Variants in MACF1 observed in about 807,000 individuals in gnomAD.
MACF1 encodes microtubule-actin cross-linking factor 1.
Under a neutral mutation model 854.8 loss-of-function variants are expected in MACF1, and 193 were observed. The observed-to-expected ratio is 0.23, with a 90% CI of 0.20 to 0.25. MACF1 has a LOEUF of 0.25. MACF1 is among the 10% of genes least tolerant of loss of function. MACF1 has a pLI of 1.00. For synonymous variants in MACF1, 3,185 were observed against 3,226.7 expected, an observed-to-expected ratio of 0.99 and a Z score of 0.44; for missense variants, 7,722 against 8,929.1, an observed-to-expected ratio of 0.86 and a Z score of 5.45.
intron 2 of MACF1, among the ~76,000 whole-genome samples, chr1:39,199,049 G>C (rs916902489): frequency 1.3e-5 from 2 of 151,766 alleles, no homozygotes; most frequent in Admixed American, 6.6e-5. Flanking sequence ...GCAGTGGCGC[G>C]ATCTCGGCTC....
At chr1:39,314,185 G>A (rs1398843247) in intron 26 of MACF1, among the ~76,000 whole-genome samples, 1 of 152,146 alleles carries the variant, frequency 6.6e-6, no homozygotes, top group Non-Finnish European at 1.5e-5. Flanking sequence ...AAGGCAGGTG[G>A]ATCACCTGAG....
intron 40 of MACF1, 83 bp downstream of exon 40, chr1:39,341,036 T>C: frequency 8.6e-6 from 2 of 231,360 alleles, no homozygotes; most frequent in Non-Finnish European, 1.3e-5. Context: ...CATATTTATC[T>C]TTTTTTTTTT....
In MACF1 at chr1:39,263,771, C is replaced by CTTTTTTTT. The variant is rs11453750; in HGVS notation, c.528+5756_528+5763dup. ...CTTTCTTTCATCTTTTTTCTTTTTT[C>CTTTTTTTT]TTTTTTTTTTTTTTTTTTTTGAGAC... On this transcript the variant is annotated intron_variant, in intron 6 of 100. Transcript: ENST00000564288. 4.8e-3 allele frequency among the ~76,000 whole-genome samples: 480 copies of CTTTTTTTT among 100,174 alleles called. 5 individuals carry two copies. Among genetic ancestry groups the CTTTTTTTT allele is most frequent in the African/African-American group, 0.011 (272 of 24,386 alleles). The allele number at this position is 100,174 out of a possible 152,430, so 65.7% of individuals were successfully genotyped here. A position where few individuals can be genotyped will look rare whatever the true frequency, so the allele number is the denominator to read the frequency against.
intron 2 of MACF1, chr1:39,102,919 C>T (rs1385392078): frequency 1.4e-6 from 1 of 702,218 alleles, no homozygotes; most frequent in Admixed American, 2.0e-5. Flanking sequence ...TCCCCCCTGG[C>T]AGCCGCTTTG....
chr1:39,268,973 C>G, intron 6 of MACF1: 3 of 1,286,704 alleles, frequency 2.3e-6, no homozygotes, highest in Non-Finnish European at 3.0e-6. Flanking sequence ...TGCCTGGGGA[C>G]TCAGCCCCCA....
chr1:39,096,845 C>T (rs561641130), intron 2 of MACF1, among the ~76,000 whole-genome samples: 1 of 151,676 alleles, frequency 6.6e-6, no homozygotes, highest in Admixed American at 6.6e-5. Flanking sequence ...TGCCACCTGA[C>T]CTACTGCCCA....
chr1:39,089,454 G>A (rs895822928), intron 2 of MACF1, among the ~76,000 whole-genome samples: 3 of 152,164 alleles, frequency 2.0e-5, no homozygotes, highest in African/African-American at 7.2e-5. Flanking sequence ...CTAGTCAGAC[G>A]ACAATTGTCT....
intron 2 of MACF1, among the ~76,000 whole-genome samples, chr1:39,122,323 C>T (rs1407365023): frequency 1.4e-5 from 2 of 147,612 alleles, no homozygotes; most frequent in Non-Finnish European, 3.0e-5. Flanking sequence ...GGCGCGATGT[C>T]GGCTCACTAC....
rs149723834 is a variant in MACF1, at chr1:39,476,444, G to A, written c.21959-3354G>A. Among the ~76,000 whole-genome samples, 429 of 152,062 alleles carry A rather than the reference G, an allele frequency of 2.8e-3. 2 individuals carry two copies. The highest frequency in any genetic ancestry group is 9.9e-3 in the African/African-American group (411 of 41,486). On this transcript the variant is annotated intron_variant, in intron 97 of 100. Coordinates refer to ENST00000564288, the MANE Select transcript of MACF1 (RefSeq NM_001394062.1). ...AATTAGCCAAGCGTGGTGGCCACGC[G>A]CCTGCAGTCCCAGCTACCCAGGAGG... is the stretch of plus-strand genomic sequence containing the variant.
intron 80 of MACF1, 144 bp from the exon 81 acceptor site, chr1:39,447,288 G>A (rs1228216351): frequency 1.4e-6 from 1 of 719,620 alleles, no homozygotes; most frequent in South Asian, 1.9e-5. Context: ...TACAAATAAA[G>A]CATGTTTGGA....
intron 58 of MACF1, among the ~76,000 whole-genome samples, chr1:39,398,148 T>C (rs1220805145): frequency 6.6e-6 from 1 of 151,674 alleles, no homozygotes; most frequent in African/African-American, 2.4e-5. Context: ...CCTTTTTTTT[T>C]TTTTTTTTTT....
At chr1:39,404,895 G>A (rs1642633964) in intron 58 of MACF1, among the ~76,000 whole-genome samples, 1 of 152,108 alleles carries the variant, frequency 6.6e-6, no homozygotes, top group South Asian at 2.1e-4. Flanking sequence ...CCTCCATAAA[G>A]CCTTCTCTGA....
Position 39,409,983 on chromosome 1 carries a change from G to A in MACF1, c.15817-12391G>A, listed in dbSNP as rs1197486992. 3.0e-6 allele frequency: 1 copy of A among 334,410 alleles called. No individual in the cohort carries two copies. The highest frequency in any genetic ancestry group is 5.4e-6 in the Non-Finnish European group (1 of 185,224). 20.7% of individuals were successfully genotyped at this position (334,410 alleles called of 1,614,324 possible). ...TGTTGACTGTATTTGAAAGAGCAGT[G>A]CTCTTAAAAAAAATTAAACCATAAG... On this transcript the variant is annotated intron_variant, in intron 58 of 100. Coordinates refer to ENST00000564288, the MANE Select transcript of MACF1 (RefSeq NM_001394062.1). This position sits in a 1 kb window ranked among gnomAD's most constrained non-coding sequence, Gnocchi z 4.2.
Position 39,334,685 on chromosome 1 carries a change from A to G in MACF1, c.8097A>G (p.Gly2699=), listed in dbSNP as rs181841503. The G allele has an allele frequency of 1.2e-6, 2 of 1,614,150 alleles. No individual in the cohort carries two copies. Among genetic ancestry groups the G allele is most frequent in the African/African-American group, 1.3e-5 (1 of 75,072 alleles). ...NTGGIIDTAT[G]KRLTLASALE... ...GTGGAATCATAGATACTGCTACTGG[A>G]AAAAGACTGACATTGGCATCAGCTT... Residue 2699 remains glycine, a synonymous_variant, in exon 37 of 101, where the codon GGA becomes GGG. Transcript: ENST00000564288.
chr1:39,391,660 C>T (rs1642041357), intron 58 of MACF1, among the ~76,000 whole-genome samples: 1 of 152,200 alleles, frequency 6.6e-6, no homozygotes, highest in Non-Finnish European at 1.5e-5. Flanking sequence ...GAGGACAAGT[C>T]ATCTTTTCCT....
intron 1 of MACF1, among the ~76,000 whole-genome samples, chr1:39,220,705 G>T (rs1644641986): frequency 6.6e-6 from 1 of 151,430 alleles, no homozygotes; most frequent in African/African-American, 2.4e-5. Flanking sequence ...GGCTGGTCTT[G>T]AACTCCGGAC....
chr1:39,451,320 G>A (rs2148679344), intron 85 of MACF1, 109 bp downstream of exon 85: 1 of 1,094,994 alleles, frequency 9.1e-7, no homozygotes, highest in East Asian at 2.9e-5. Context: ...GGGAGAAAGA[G>A]AGCCTGACAG....
chr1:39,384,418 A>G (rs1362290427), intron 56 of MACF1, among the ~76,000 whole-genome samples: 2 of 152,176 alleles, frequency 1.3e-5, no homozygotes. Context: ...AATCCTTATA[A>G]CAGCCAAAGT....
chr1:39,454,813 TA>T, intron 88 of MACF1, 95 bp from the exon 89 acceptor site: 1 of 1,102,472 alleles, frequency 9.1e-7, no homozygotes, highest in Non-Finnish European at 1.3e-6. Flanking sequence ...AAAAATAAAA[TA>T]AAAAGCCATT....
Sources: allele counts gnomAD v4.1 joint callset (sites outside exome capture counted in the v4.1 genomes callset), GRCh38; gene constraint gnomAD v4.1.1; non-coding constraint Gnocchi (gnomAD v3.1); transcripts MANE v1.5; gene names NCBI Gene and HGNC (gene_info 2026-07-23, HGNC 2026-07-21).